PPP6R3: variants seen among roughly 807,000 people sequenced by gnomAD.
PPP6R3 encodes the protein protein phosphatase 6 regulatory subunit 3, also known as serine/threonine-protein phosphatase 6 regulatory subunit 3.
In PPP6R3, 38 loss-of-function variants were observed where a neutral mutation model predicts 110.7. The ratio of observed to expected loss-of-function variants is 0.34; its 90% CI spans 0.26 to 0.45. The LOEUF is 0.45. PPP6R3 is among the 20% of genes least tolerant of loss of function. PPP6R3 has a pLI of 1.00. For missense variants in PPP6R3, 870 were observed against 1,062.4 expected (o/e 0.82, Z 2.52); for synonymous variants, 369 against 373.5 (o/e 0.99, Z 0.14).
At chr11:68,464,375 C>T (rs10047482) in intron 1 of PPP6R3, among the ~76,000 whole-genome samples, 35,192 of 151,992 alleles carry the variant, frequency 0.23, 4,327 homozygotes, top group Middle Eastern at 0.34. Flanking sequence ...GTGATCTACC[C>T]GCCTCGGCCT....
intron 23 of PPP6R3, 91 bp downstream of exon 23, chr11:68,610,114 T>G (rs1210518428): frequency 6.6e-7 from 1 of 1,521,348 alleles, no homozygotes; most frequent in East Asian, 2.3e-5. Flanking sequence ...AGGGATCGTT[T>G]ACAGCTGTGC....
intron 1 of PPP6R3, among the ~76,000 whole-genome samples, chr11:68,511,614 G>A (rs1465039582): frequency 6.6e-6 from 1 of 151,114 alleles, no homozygotes; most frequent in Admixed American, 6.6e-5. Context: ...CTGAGTAGCT[G>A]GGATTACAGG....
At chr11:68,502,551 A>G (rs1294694414) in intron 1 of PPP6R3, among the ~76,000 whole-genome samples, 1 of 152,196 alleles carries the variant, frequency 6.6e-6, no homozygotes, top group East Asian at 1.9e-4. Context: ...GGGTATCTTA[A>G]AAGATCTTTA....
intron 1 of PPP6R3, among the ~76,000 whole-genome samples, chr11:68,503,543 G>A (rs2099059391): frequency 6.6e-6 from 1 of 152,216 alleles, no homozygotes; most frequent in Non-Finnish European, 1.5e-5. Flanking sequence ...TGACATCAGA[G>A]AAGCCAGGCG....
chr11:68,592,627 G>A (rs144332360), intron 18 of PPP6R3, among the ~76,000 whole-genome samples: 1 of 152,146 alleles, frequency 6.6e-6, no homozygotes, highest in African/African-American at 2.4e-5. Context: ...GAATAAGGCT[G>A]TTAGACCGGG....
At chr11:68,493,636 T>A (rs868487007) in intron 1 of PPP6R3, among the ~76,000 whole-genome samples, 41 of 131,508 alleles carry the variant, frequency 3.1e-4, no homozygotes, top group Admixed American at 3.0e-3. Flanking sequence ...TATATATATA[T>A]AAAATATATA....
At chr11:68,485,453 C>G (rs557146429) in intron 1 of PPP6R3, among the ~76,000 whole-genome samples, 1 of 152,008 alleles carries the variant, frequency 6.6e-6, no homozygotes, top group African/African-American at 2.4e-5. Context: ...CATCTTTGCC[C>G]GCTTCCTGAT....
chr11:68,497,397 G>A (rs544427604), intron 1 of PPP6R3, among the ~76,000 whole-genome samples: 91 of 151,772 alleles, frequency 6.0e-4, no homozygotes, highest in South Asian at 1.3e-3. Flanking sequence ...TCTGTCACCT[G>A]GCTGGAGTGC....
rs1420653230 is a variant in PPP6R3 at position 68,519,664 on chromosome 11, C to A, written c.-7+13C>A. 1 of 398,422 alleles carries A rather than the reference C, an allele frequency of 2.5e-6. No homozygotes were observed. The highest frequency in any genetic ancestry group is 4.4e-6 in the Non-Finnish European group (1 of 225,990). 24.7% of individuals were successfully genotyped at this position (398,422 alleles called of 1,614,324 possible). A position where few individuals can be genotyped will look rare whatever the true frequency, so the allele number is the denominator to read the frequency against. On this transcript the variant is annotated intron_variant, in intron 2 of 23. Transcript: ENST00000393800. The stretch of plus-strand genomic sequence containing the variant: ...CTTGGTTTGAAAGGTAAGACCATTA[C>A]GATTAGCAGGAGTTTCCTTCCATTA...
intron 1 of PPP6R3, among the ~76,000 whole-genome samples, chr11:68,516,988 G>T (rs1399288797): frequency 3.3e-5 from 5 of 151,942 alleles, no homozygotes; most frequent in South Asian, 2.1e-4. Flanking sequence ...GGAAGACCTA[G>T]GCTCTTCTTT....
intron 1 of PPP6R3, 119 bp downstream of exon 1, chr11:68,460,946 C>T (rs1470040123): frequency 4.0e-5 from 6 of 151,718 alleles, no homozygotes; most frequent in East Asian, 1.9e-4. Flanking sequence ...GTCCCGGCCC[C>T]TCTCCCCTCC....
intron 1 of PPP6R3, among the ~76,000 whole-genome samples, chr11:68,489,230 A>G (rs1325557694): frequency 1.3e-5 from 2 of 152,044 alleles, no homozygotes; most frequent in African/African-American, 4.8e-5. Context: ...CATGTTAGCC[A>G]GGATGGTCTC....
chr11:68,589,900 T>C (rs10896348), intron 16 of PPP6R3, among the ~76,000 whole-genome samples: 48,502 of 152,134 alleles, frequency 0.32, 8,799 homozygotes, highest in African/African-American at 0.49. Flanking sequence ...TCATTTTAAC[T>C]CAAAAAGAGC....
intron 8 of PPP6R3, among the ~76,000 whole-genome samples, chr11:68,561,443 A>G (rs1251440242): frequency 2.6e-5 from 4 of 152,178 alleles, no homozygotes. Flanking sequence ...GTGGACATAG[A>G]ACCTGTGGAT....
intron 3 of PPP6R3, among the ~76,000 whole-genome samples, chr11:68,541,372 A>T (rs4316515): frequency 0.23 from 34,987 of 152,078 alleles, 4,278 homozygotes; most frequent in Middle Eastern, 0.32. Context: ...ATCTTAGTGG[A>T]CCTGATTGTT....
intron 2 of PPP6R3, among the ~76,000 whole-genome samples, chr11:68,536,769 G>A (rs1322631793): frequency 6.6e-6 from 1 of 152,296 alleles, no homozygotes; most frequent in Middle Eastern, 3.4e-3. Flanking sequence ...GAGTCAGTAT[G>A]TATTAACAAA....
chr11:68,531,529 C>T (rs1466408798), intron 2 of PPP6R3, among the ~76,000 whole-genome samples: 1 of 151,806 alleles, frequency 6.6e-6, no homozygotes, highest in Non-Finnish European at 1.5e-5. Context: ...TGGGCTCAAG[C>T]GATCTGCCCA....
At chr11:68,491,886 CAAAA>C (rs2153439909) in intron 1 of PPP6R3, among the ~76,000 whole-genome samples, 1 of 152,000 alleles carries the variant, frequency 6.6e-6, no homozygotes, top group African/African-American at 2.4e-5. Flanking sequence ...AAAAACCACA[CAAAA>C]AACTCAACGT....
chr11:68,465,858 A>C (rs894067019), intron 1 of PPP6R3, among the ~76,000 whole-genome samples: 1 of 152,246 alleles, frequency 6.6e-6, no homozygotes, highest in Non-Finnish European at 1.5e-5. Context: ...GTTTTGCAAA[A>C]GAATAAGATA....
Sources: gnomAD v4.1 joint callset for allele counts (sites outside exome capture counted in the v4.1 genomes callset) on GRCh38, gnomAD v4.1.1 for gene constraint, MANE v1.5 for transcripts, NCBI Gene and HGNC (gene_info 2026-07-23, HGNC 2026-07-21) for gene names.